The following PDE4D variants were observed in gnomAD, a reference collection of about 807,000 sequenced individuals.
PDE4D encodes the protein phosphodiesterase 4D, also known as 3',5'-cyclic-AMP phosphodiesterase 4D.
In PDE4D, 24 loss-of-function variants were observed where a neutral mutation model predicts 87.4. That is an observed-to-expected ratio of 0.27 (90% CI 0.20 to 0.39). PDE4D has a LOEUF of 0.39. Among genes scored for constraint, PDE4D ranks in the 10% least tolerant of loss-of-function variants. The pLI is 1.00. For missense variants in PDE4D, 714 were observed against 1,041.0 expected, an observed-to-expected ratio of 0.69 and a Z score of 4.32; for synonymous variants, 384 against 383.2, an observed-to-expected ratio of 1.00 and a Z score of -0.02.
At chr5:59,352,274 AATTACACTC>A (rs1176944289) in intron 1 of PDE4D, among the ~76,000 whole-genome samples, 1 of 152,068 alleles carries the variant, frequency 6.6e-6, no homozygotes, top group East Asian at 1.9e-4. Flanking sequence ...ATTTGATACT[AATTACACTC>A]ATCTTTTTCA....
intron 1 of PDE4D, among the ~76,000 whole-genome samples, chr5:59,709,306 A>G (rs562277189): frequency 6.6e-6 from 1 of 152,076 alleles, no homozygotes; most frequent in African/African-American, 2.4e-5. Context: ...AAAGAATCGC[A>G]CCCCCTTAGC....
At chr5:59,317,604 T>C (rs1773990072) in intron 1 of PDE4D, among the ~76,000 whole-genome samples, 1 of 152,024 alleles carries the variant, frequency 6.6e-6, no homozygotes, top group Admixed American at 6.6e-5. Context: ...GCTTTCTCTA[T>C]TCATAAACAA....
intron 2 of PDE4D, among the ~76,000 whole-genome samples, chr5:60,125,039 A>G (rs987651315): frequency 6.6e-6 from 1 of 152,130 alleles, no homozygotes; most frequent in Admixed American, 6.6e-5. Flanking sequence ...TTGAATTTCC[A>G]ACTTCAAAAC....
chr5:59,256,468 A>G (rs555391345), intron 1 of PDE4D, among the ~76,000 whole-genome samples: 1 of 152,168 alleles, frequency 6.6e-6, no homozygotes, highest in South Asian at 2.1e-4. Context: ...AAAAGGATGA[A>G]GAGAATCTGT....
At chr5:60,282,616 G>T (rs1302574264) in intron 1 of PDE4D, among the ~76,000 whole-genome samples, 3 of 152,108 alleles carry the variant, frequency 2.0e-5, no homozygotes, top group Non-Finnish European at 4.4e-5. Context: ...GACACGTTTT[G>T]TTGGGTTTGG....
At chr5:59,443,897 CA>C (rs760233390) in intron 1 of PDE4D, among the ~76,000 whole-genome samples, 1 of 151,982 alleles carries the variant, frequency 6.6e-6, no homozygotes, top group Non-Finnish European at 1.5e-5. Context: ...CACAGAATTT[CA>C]TATGGAAATT....
In PDE4D at chr5:60,117,028, C is replaced by T. The variant is rs796993877; in HGVS notation, c.42+68529G>A. Among the ~76,000 whole-genome samples the T allele has an allele frequency of 4.0e-4, 50 of 124,138 alleles. 1 individual carries two copies. The highest frequency in any genetic ancestry group is 1.3e-3 in the African/African-American group (41 of 30,614). 81.4% of individuals were successfully genotyped at this position (124,138 alleles called of 152,430 possible). A position where few individuals can be genotyped will look rare whatever the true frequency, so the allele number is the denominator to read the frequency against. On this transcript the variant is annotated intron_variant, in intron 2 of 16. Transcript: ENST00000502484. The stretch of plus-strand genomic sequence containing the variant: ...GAAGAAGAAAAATAATTTGACATTA[C>T]CCAAAATTGCATATTTCTAAAAAAA...
intron 1 of PDE4D, among the ~76,000 whole-genome samples, chr5:60,330,320 C>A (rs541735654): frequency 6.6e-6 from 1 of 152,132 alleles, no homozygotes; most frequent in East Asian, 1.9e-4. Flanking sequence ...AAAGCCTGTG[C>A]GCAAATGAGC....
At chr5:60,200,237 A>G (rs1341924493) in intron 1 of PDE4D, among the ~76,000 whole-genome samples, 1 of 151,710 alleles carries the variant, frequency 6.6e-6, no homozygotes, top group Non-Finnish European at 1.5e-5. Context: ...GCAGATGAAG[A>G]AATCAAGGTA....
intron 1 of PDE4D, among the ~76,000 whole-genome samples, chr5:59,655,978 C>T (rs984008706): frequency 3.3e-5 from 5 of 152,172 alleles, no homozygotes; most frequent in Middle Eastern, 3.2e-3. Context: ...CCAGTCTCTA[C>T]TGTCACCTTG....
At chr5:58,983,134 C>T (rs1745615927) in intron 11 of PDE4D, among the ~76,000 whole-genome samples, 1 of 152,230 alleles carries the variant, frequency 6.6e-6, no homozygotes, top group African/African-American at 2.4e-5. Flanking sequence ...AAAGACTCCC[C>T]TTCACCACCA....
chr5:60,423,389 C>T (rs1743319054), intron 1 of PDE4D, among the ~76,000 whole-genome samples: 1 of 152,154 alleles, frequency 6.6e-6, no homozygotes, highest in Non-Finnish European at 1.5e-5. Flanking sequence ...GATTAAGAAA[C>T]TCACTCAAAA....
chr5:59,593,211 GA>G (rs1826155705), intron 1 of PDE4D, among the ~76,000 whole-genome samples: 1 of 148,836 alleles, frequency 6.7e-6, no homozygotes, highest in Non-Finnish European at 1.5e-5. Context: ...TATTTGTTTA[GA>G]AAATTCAAAG....
chr5:60,009,337 T>A (rs546390054), intron 2 of PDE4D, among the ~76,000 whole-genome samples: 1 of 152,154 alleles, frequency 6.6e-6, no homozygotes, highest in African/African-American at 2.4e-5. Context: ...TCACAAGATT[T>A]TTTTTTAAGA....
At chr5:60,277,656 T>C (rs1272777999) in intron 1 of PDE4D, among the ~76,000 whole-genome samples, 1 of 152,188 alleles carries the variant, frequency 6.6e-6, no homozygotes, top group Non-Finnish European at 1.5e-5. Flanking sequence ...AATCTGTTTT[T>C]TAATTGGTGC....
intron 1 of PDE4D, among the ~76,000 whole-genome samples, chr5:59,749,868 C>A (rs1480310349): frequency 1.3e-5 from 2 of 152,142 alleles, no homozygotes; most frequent in African/African-American, 4.8e-5. Context: ...AGAGGCATCC[C>A]CAAAATAAAT....
At chr5:59,438,667 C>T (rs756742739) in intron 1 of PDE4D, among the ~76,000 whole-genome samples, 2 of 152,114 alleles carry the variant, frequency 1.3e-5, no homozygotes, top group Non-Finnish European at 2.9e-5. Flanking sequence ...TGGAACTGCA[C>T]ACTTACAATG....
intron 1 of PDE4D, among the ~76,000 whole-genome samples, chr5:60,222,408 C>A (rs1436724618): frequency 2.0e-5 from 3 of 152,114 alleles, no homozygotes; most frequent in Non-Finnish European, 4.4e-5. Flanking sequence ...AAACCCTCAT[C>A]TGAATTACTG....
intron 1 of PDE4D, among the ~76,000 whole-genome samples, chr5:60,281,880 G>A (rs1030777775): frequency 4.0e-5 from 6 of 151,698 alleles, no homozygotes; most frequent in East Asian, 3.9e-4. Flanking sequence ...CTACAAAAAC[G>A]TACAAAATTA....
Sources: gnomAD v4.1 joint callset for allele counts (sites outside exome capture counted in the v4.1 genomes callset) on GRCh38, gnomAD v4.1.1 for gene constraint, MANE v1.5 for transcripts, NCBI Gene and HGNC (gene_info 2026-07-23, HGNC 2026-07-21) for gene names.